SIGLEC14: variants seen among roughly 807,000 people sequenced by gnomAD.
SIGLEC14 encodes sialic acid-binding Ig-like lectin 14.
Under a neutral mutation model 34.2 loss-of-function variants are expected in SIGLEC14, and 11 were observed. That is an observed-to-expected ratio of 0.32 (90% CI 0.20 to 0.53). The LOEUF (loss-of-function observed/expected upper bound fraction) is 0.53. Among genes scored for constraint, SIGLEC14 ranks in the 20% least tolerant of loss-of-function variants. The pLI is 0.95. For synonymous variants in SIGLEC14, 99 were observed against 179.7 expected (o/e 0.55, Z 3.59); for missense variants, 264 against 439.0 (o/e 0.60, Z 3.56).
chr19:51,640,043 T>G lies in SIGLEC14; in HGVS notation c.*3312A>C, dbSNP rs1983875266. 7.2e-6 allele frequency: 1 copy of G among 139,134 alleles called. No individual in the cohort carries two copies. Among genetic ancestry groups the G allele is most frequent in the Non-Finnish European group, 1.5e-5 (1 of 64,982 alleles). The allele number at this position is 139,134 out of a possible 1,614,324, so 8.6% of individuals were successfully genotyped here. A position where few individuals can be genotyped will look rare whatever the true frequency, so the allele number is the denominator to read the frequency against. ...ACCCGCCCTCCAAAGTGGAATGACA[T>G]CTCCAAAAGGTTAAAAGAAAAATGC... On this transcript the variant is annotated 3_prime_UTR_variant, in exon 7 of 7. Coordinates refer to ENST00000360844, the MANE Select transcript of SIGLEC14 (RefSeq NM_001098612.3).
rs1478464363 is a variant in SIGLEC14, at chr19:51,642,065, C to T, written c.*1290G>A. Among the ~76,000 whole-genome samples the T allele has an allele frequency of 1.4e-5, 2 of 139,396 alleles. No individual in the cohort carries two copies. Among genetic ancestry groups the T allele is most frequent in the African/African-American group, 5.4e-5 (2 of 36,790 alleles). The allele number at this position is 139,396 out of a possible 152,430, so 91.4% of individuals were successfully genotyped here. On this transcript the variant is annotated 3_prime_UTR_variant, in exon 7 of 7. Coordinates refer to ENST00000360844, the MANE Select transcript of SIGLEC14 (RefSeq NM_001098612.3). Reference sequence around the variant, plus strand: ...AATCACTTAGAAATTAAACAACACACTTCTAAGCAATCCGTGAATTCAAAG... The same window carrying T: ...AATCACTTAGAAATTAAACAACACATTTCTAAGCAATCCGTGAATTCAAAG...
chr19:51,643,417 CTCAGATCAGCA>C lies in SIGLEC14; in HGVS notation c.1149-31_1149-21del. On this transcript the variant is annotated intron_variant, in intron 6 of 6. Coordinates refer to ENST00000360844, the MANE Select transcript of SIGLEC14 (RefSeq NM_001098612.3). Reference sequence around the variant, plus strand: ...CCACACCTGCAGAGCCAACATGGGCCTCAGATCAGCACCAGCCACTTCAGTTCTAATTCCAG... The same window carrying C: ...CCACACCTGCAGAGCCAACATGGGCCCCAGCCACTTCAGTTCTAATTCCAG... 1 of 1,505,896 alleles carries C rather than the reference CTCAGATCAGCA, an allele frequency of 6.6e-7. No homozygotes were observed. Among genetic ancestry groups the C allele is most frequent in the Non-Finnish European group, 8.9e-7 (1 of 1,129,744 alleles). The allele number at this position is 1,505,896 out of a possible 1,614,324, so 93.3% of individuals were successfully genotyped here.
intron 4 of SIGLEC14, 126 bp downstream of exon 4, chr19:51,645,351 G>C: frequency 1.3e-6 from 1 of 799,440 alleles, no homozygotes; most frequent in Non-Finnish European, 2.0e-6. Context: ...GGATTGGGGG[G>C]TTGGGAGCAG....
In SIGLEC14 at chr19:51,639,518, A is replaced by G. The variant is rs575990872; in HGVS notation, c.*3837T>C. 1.4e-5 allele frequency: 2 copies of G among 140,000 alleles called. No homozygotes were observed. Among genetic ancestry groups the G allele is most frequent in the South Asian group, 4.8e-4 (2 of 4,154 alleles). 8.7% of individuals were successfully genotyped at this position (140,000 alleles called of 1,614,324 possible). ...AGAAATTTATTTCTCATAATTCTGGAGGTCGGGAAGTCCAAGATCAAGGTG... is the reference window on the plus strand; with the variant it reads ...AGAAATTTATTTCTCATAATTCTGGGGGTCGGGAAGTCCAAGATCAAGGTG... On this transcript the variant is annotated 3_prime_UTR_variant, in exon 7 of 7. Transcript: ENST00000360844.
At chr19:51,643,479 G>GGGGGGGGGGGGGGGGGGGCCCCC in intron 6 of SIGLEC14, 58 bp downstream of exon 6, 1 of 1,296,398 alleles carries the variant, frequency 7.7e-7, no homozygotes, top group Non-Finnish European at 1.0e-6. Context: ...CCTGGGGCAG[G>GGGGGGGGGGGGGGGGGGGCCCCC]ACAGCTCAGC....
chr19:51,643,251 G>C lies in SIGLEC14; in HGVS notation c.*104C>G. 8.9e-7 allele frequency: 1 copy of C among 1,122,314 alleles called. No homozygotes were observed. The highest frequency in any genetic ancestry group is 1.3e-5 in the South Asian group (1 of 74,442). 69.5% of individuals were successfully genotyped at this position (1,122,314 alleles called of 1,614,324 possible). ...TGGGGCAGGAAGGAAAAGAGGGGTA[G>C]TCAGTGGGATGTGAGCTTCCAGAAA... is the stretch of plus-strand genomic sequence containing the variant. On this transcript the variant is annotated 3_prime_UTR_variant, in exon 7 of 7. Coordinates refer to ENST00000360844, the MANE Select transcript of SIGLEC14 (RefSeq NM_001098612.3).
Position 51,642,362 on chromosome 19 carries a change from A to G in SIGLEC14, c.*993T>C, listed in dbSNP as rs1983924812. On this transcript the variant is annotated 3_prime_UTR_variant, in exon 7 of 7. Coordinates refer to ENST00000360844, the MANE Select transcript of SIGLEC14 (RefSeq NM_001098612.3). ...ATGTTTGGTTCCAGTTATACGATGC[A>G]CAGAACCTGACAATACAGGTATTGC... Among the ~76,000 whole-genome samples the G allele has an allele frequency of 7.2e-6, 1 of 139,066 alleles. No homozygotes were observed. The highest frequency in any genetic ancestry group is 2.4e-4 in the South Asian group (1 of 4,110). The allele number at this position is 139,066 out of a possible 152,430, so 91.2% of individuals were successfully genotyped here.
chr19:51,645,609 G>A (rs1984016768), intron 3 of SIGLEC14, 79 bp from the exon 4 acceptor site: 3 of 1,468,032 alleles, frequency 2.0e-6, no homozygotes, highest in Non-Finnish European at 1.8e-6. Context: ...CCAAGGAGGG[G>A]CCACAGAAAC....
Position 51,643,375 on chromosome 19 carries a change from T to G in SIGLEC14, c.1171A>C (p.Arg391=). 2 of 1,521,724 alleles carry G rather than the reference T, an allele frequency of 1.3e-6. No individual in the cohort carries two copies. Among genetic ancestry groups the G allele is most frequent in the Non-Finnish European group, 1.8e-6 (2 of 1,137,260 alleles). 94.3% of individuals were successfully genotyped at this position (1,521,724 alleles called of 1,614,324 possible). The part of the protein sequence containing the change: ...YTRCGGPQQS[R]AERPG ...GGGGCTCAGCCAGGCCTCTCAGCCC[T>G]GCTCTGCTGGGGGCCTCCACACCTG... Residue 391 remains arginine, a synonymous_variant, in exon 7 of 7, where the codon AGG becomes CGG. Transcript: ENST00000360844.
rs1983905329 is a variant in SIGLEC14, at chr19:51,641,480, A to G, written c.*1875T>C. Reference sequence around the variant, plus strand: ...GAATATAAATCATTCTATTACAAAGACACATGCATGCATACATTCACTGCA... The same window carrying G: ...GAATATAAATCATTCTATTACAAAGGCACATGCATGCATACATTCACTGCA... On this transcript the variant is annotated 3_prime_UTR_variant, in exon 7 of 7. Coordinates refer to ENST00000360844, the MANE Select transcript of SIGLEC14 (RefSeq NM_001098612.3). 7.2e-6 allele frequency among the ~76,000 whole-genome samples: 1 copy of G among 139,484 alleles called. No individual in the cohort carries two copies. The highest frequency in any genetic ancestry group is 1.5e-5 in the Non-Finnish European group (1 of 65,088). The allele number at this position is 139,484 out of a possible 152,430, so 91.5% of individuals were successfully genotyped here.
Position 51,641,764 on chromosome 19 carries a change from G to T in SIGLEC14, c.*1591C>A, listed in dbSNP as rs750302222. The stretch of plus-strand genomic sequence containing the variant: ...GATGAGAACACATGGATACATAGAG[G>T]TGAGCAACACACACTGGGGCCTTTC... On this transcript the variant is annotated 3_prime_UTR_variant, in exon 7 of 7. Transcript: ENST00000360844. Among the ~76,000 whole-genome samples the T allele has an allele frequency of 1.4e-5, 2 of 139,034 alleles. 1 individual carries two copies. Among genetic ancestry groups the T allele is most frequent in the Admixed American group, 1.4e-4 (2 of 14,464 alleles). The allele number at this position is 139,034 out of a possible 152,430, so 91.2% of individuals were successfully genotyped here. A position where few individuals can be genotyped will look rare whatever the true frequency, so the allele number is the denominator to read the frequency against.
chr19:51,643,158 G>A lies in SIGLEC14; in HGVS notation c.*197C>T. 1 of 534,932 alleles carries A rather than the reference G, an allele frequency of 1.9e-6. No homozygotes were observed. The highest frequency in any genetic ancestry group is 2.3e-5 in the African/African-American group (1 of 43,676). The allele number at this position is 534,932 out of a possible 1,614,324, so 33.1% of individuals were successfully genotyped here. A position where few individuals can be genotyped will look rare whatever the true frequency, so the allele number is the denominator to read the frequency against. ...AGAAGGGCAGGTGGAGAGGGGATGG[G>A]GTGCAGATGGGGATGCAGGTGTGGT... On this transcript the variant is annotated 3_prime_UTR_variant, in exon 7 of 7. Coordinates refer to ENST00000360844, the MANE Select transcript of SIGLEC14 (RefSeq NM_001098612.3).
rs1984012483 is a variant in SIGLEC14, at chr19:51,645,485, G to A, written c.746C>T (p.Thr249Ile). The change falls in exon 4 of 7, where the codon ACA (threonine) becomes ATA (isoleucine). Residue 249 changes from threonine to isoleucine, a missense_variant. Transcript: ENST00000360844. ...LAISIFFRNG[T>I]GTALRILSNG... ...AAGAGGGTCTTTCCTACCTGTGCCT[G>A]TGCCATTTCTGAAGAAGATGCTGAT... 1 of 1,531,348 alleles carries A rather than the reference G, an allele frequency of 6.5e-7. No individual in the cohort carries two copies. 94.9% of individuals were successfully genotyped at this position (1,531,348 alleles called of 1,614,324 possible).
In SIGLEC14 at chr19:51,643,462, G is replaced by A. The variant is rs1983954730; in HGVS notation, c.1149-65C>T. On this transcript the variant is annotated intron_variant, in intron 6 of 6. Coordinates refer to ENST00000360844, the MANE Select transcript of SIGLEC14 (RefSeq NM_001098612.3). ...TTCAGTTCTAATTCCAGGTGGGGCT[G>A]AGCTGTCCTGGGGCAGGACAGCTCA... 5 of 1,340,420 alleles carry A rather than the reference G, an allele frequency of 3.7e-6. No individual in the cohort carries two copies. The South Asian group carries it at 7.2e-5, about 19-fold the overall frequency. 83.0% of individuals were successfully genotyped at this position (1,340,420 alleles called of 1,614,324 possible). A position where few individuals can be genotyped will look rare whatever the true frequency, so the allele number is the denominator to read the frequency against.
Position 51,645,499 on chromosome 19 carries a change from G to A in SIGLEC14, c.732C>T (p.Phe244=). The change falls in exon 4 of 7, where the codon TTC becomes TTT. Residue 244 remains phenylalanine (F), a synonymous_variant. Transcript: ENST00000360844. ...YAPQNLAISI[F]FRNGTGTALR... ...TACCTGTGCCTGTGCCATTTCTGAA[G>A]AAGATGCTGATGGCGAGGTTCTGTG... 6.5e-7 allele frequency: 1 copy of A among 1,532,404 alleles called. No homozygotes were observed. Among genetic ancestry groups the A allele is most frequent in the African/African-American group, 1.5e-5 (1 of 67,196 alleles). The allele number at this position is 1,532,404 out of a possible 1,614,324, so 94.9% of individuals were successfully genotyped here.
At position 51,643,473 on chromosome 19, in the gene SIGLEC14, G is replaced by A; in HGVS notation, c.1148+64C>T. 1.5e-6 allele frequency: 2 copies of A among 1,370,260 alleles called. 1 individual carries two copies. The highest frequency in any genetic ancestry group is 1.9e-6 in the Non-Finnish European group (2 of 1,043,826). The allele number at this position is 1,370,260 out of a possible 1,614,324, so 84.9% of individuals were successfully genotyped here. A position where few individuals can be genotyped will look rare whatever the true frequency, so the allele number is the denominator to read the frequency against. Reference sequence around the variant, plus strand: ...TTCCAGGTGGGGCTGAGCTGTCCTGGGGCAGGACAGCTCAGCCCCACCTGG... The same window carrying A: ...TTCCAGGTGGGGCTGAGCTGTCCTGAGGCAGGACAGCTCAGCCCCACCTGG... On this transcript the variant is annotated intron_variant, in intron 6 of 6. Coordinates refer to ENST00000360844, the MANE Select transcript of SIGLEC14 (RefSeq NM_001098612.3).
chr19:51,644,302 C>T lies in SIGLEC14; in HGVS notation c.755-266G>A, dbSNP rs1983982727. 1.5e-5 allele frequency among the ~76,000 whole-genome samples: 2 copies of T among 137,324 alleles called. 1 individual carries two copies. Among genetic ancestry groups the T allele is most frequent in the Non-Finnish European group, 3.1e-5 (2 of 64,522 alleles). 90.1% of individuals were successfully genotyped at this position (137,324 alleles called of 152,430 possible). A position where few individuals can be genotyped will look rare whatever the true frequency, so the allele number is the denominator to read the frequency against. On this transcript the variant is annotated intron_variant, in intron 4 of 6. Transcript: ENST00000360844. Reference sequence around the variant, plus strand: ...GGTGCAGACGTGCCAAGAACTGAGACAGGCAGACGAGGAAAGAGGCTCCTA... The same window carrying T: ...GGTGCAGACGTGCCAAGAACTGAGATAGGCAGACGAGGAAAGAGGCTCCTA...
In SIGLEC14 at chr19:51,642,206, A is replaced by G. The variant is rs553337564; in HGVS notation, c.*1149T>C. Among the ~76,000 whole-genome samples, 14 of 139,300 alleles carry G rather than the reference A, an allele frequency of 1.0e-4. 2 individuals carry two copies. In the South Asian group the frequency reaches 2.7e-3, roughly 27 times the overall value. The allele number at this position is 139,300 out of a possible 152,430, so 91.4% of individuals were successfully genotyped here. On this transcript the variant is annotated 3_prime_UTR_variant, in exon 7 of 7. Coordinates refer to ENST00000360844, the MANE Select transcript of SIGLEC14 (RefSeq NM_001098612.3). ...GAAAATGCAGAACCAGTGGATACAG[A>G]AGGCTGACTGTACGATATTAAAAGC...
chr19:51,645,446 A>G, intron 4 of SIGLEC14, 31 bp downstream of exon 4: 1 of 1,511,384 alleles, frequency 6.6e-7, no homozygotes, highest in South Asian at 1.2e-5. Context: ...GGCTCCCATC[A>G]CAGCCCCAGA....
Sources: gnomAD v4.1 joint callset for allele counts (sites outside exome capture counted in the v4.1 genomes callset) on GRCh38, gnomAD v4.1.1 for gene constraint, MANE v1.5 for transcripts, NCBI Gene and HGNC (gene_info 2026-07-23, HGNC 2026-07-21) for gene names.